Variants in CACNA1D observed in about 807,000 individuals in gnomAD.
CACNA1D encodes the protein calcium voltage-gated channel subunit alpha1 D, also known as voltage-dependent L-type calcium channel subunit alpha-1D.
In CACNA1D, 55 loss-of-function variants were observed where a neutral mutation model predicts 257.1. The observed-to-expected ratio is 0.21, with a 90% CI of 0.17 to 0.27. The LOEUF is 0.27. CACNA1D is among the 10% of genes least tolerant of loss of function. CACNA1D has a pLI of 1.00. For missense variants in CACNA1D, 1,876 were observed against 2,784.0 expected (o/e 0.67, Z 7.34); for synonymous variants, 980 against 1,014.9 (o/e 0.97, Z 0.65).
chr3:53,763,028 G>A (rs982712107), intron 30 of CACNA1D, among the ~76,000 whole-genome samples: 2 of 152,174 alleles, frequency 1.3e-5, no homozygotes, highest in East Asian at 1.9e-4. Context: ...CCTCGTCCCC[G>A]CAATGGTTCT....
chr3:53,511,400 A>G (rs2091103818), intron 3 of CACNA1D, among the ~76,000 whole-genome samples: 1 of 152,144 alleles, frequency 6.6e-6, no homozygotes, highest in South Asian at 2.1e-4. Context: ...TATCCTTTCG[A>G]CAAAGGGAAG....
chr3:53,756,588 C>A (rs2095266751), intron 29 of CACNA1D, among the ~76,000 whole-genome samples: 1 of 152,186 alleles, frequency 6.6e-6, no homozygotes, highest in Non-Finnish European at 1.5e-5. Context: ...CAGCCTAGGT[C>A]CTGCTTTCAA....
intron 9 of CACNA1D, among the ~76,000 whole-genome samples, chr3:53,714,220 T>C (rs758070893): frequency 4.6e-5 from 7 of 152,358 alleles, no homozygotes; most frequent in Middle Eastern, 3.4e-3. Context: ...CTGGTGCTTA[T>C]TTCTACAGTA....
chr3:53,722,146 A>C (rs2094889397), intron 11 of CACNA1D, among the ~76,000 whole-genome samples, 168 bp from the exon 12 acceptor site: 2 of 152,236 alleles, frequency 1.3e-5, no homozygotes, highest in Admixed American at 1.3e-4. Context: ...CATAATTTTT[A>C]TGATGAAGTC....
intron 41 of CACNA1D, 44 bp from the exon 42 acceptor site, chr3:53,801,014 A>G (rs1233623509): frequency 1.9e-6 from 3 of 1,608,244 alleles, no homozygotes; most frequent in Non-Finnish European, 2.6e-6. Context: ...GTCTGCATCA[A>G]ATACTTGTTA....
chr3:53,536,953 C>A (rs116268244), intron 3 of CACNA1D, among the ~76,000 whole-genome samples: 1 of 152,114 alleles, frequency 6.6e-6, no homozygotes, highest in African/African-American at 2.4e-5. Context: ...TTTTAACTTT[C>A]GGTTATTTTT....
intron 3 of CACNA1D, among the ~76,000 whole-genome samples, chr3:53,556,274 G>A (rs2092644115): frequency 1.3e-5 from 2 of 152,164 alleles, no homozygotes; most frequent in Admixed American, 1.3e-4. Context: ...ATGTTCACTA[G>A]CGTAAATACC....
Position 53,810,249 on chromosome 3 carries a change from G to C in CACNA1D, c.6143G>C (p.Arg2048Pro). Reference protein sequence around the residue: ...PASLTVPSSFRNKNSDKQRSA... With the variant: ...PASLTVPSSFPNKNSDKQRSA... ...AGCCTGACTGTCCCCAGCAGCTTCCGGAACAAAAACAGCGACAAGCAGAGG... is the reference window on the plus strand; with the variant it reads ...AGCCTGACTGTCCCCAGCAGCTTCCCGAACAAAAACAGCGACAAGCAGAGG... Residue 2048 changes from arginine (R) to proline (P), a missense_variant, in exon 47 of 48, where the codon CGG (arginine) becomes CCG (proline). Arg to Pro is a moderately radical substitution (Grantham distance 103). Around this residue, in one of 10 missense-constraint regions of CACNA1D, gnomAD observed 491 missense variants for 554.3 expected, o/e 0.89. Coordinates refer to ENST00000350061, the MANE Select transcript of CACNA1D (RefSeq NM_001128840.3). The C allele has an allele frequency of 6.2e-7, 1 of 1,613,838 alleles. No homozygotes were observed. The highest frequency in any genetic ancestry group is 8.5e-7 in the Non-Finnish European group (1 of 1,180,040).
rs1235518164 is a variant in CACNA1D, at chr3:53,800,783, A to C, written c.5041-275A>C. The C allele has an allele frequency of 7.2e-6, 4 of 551,922 alleles. No individual in the cohort carries two copies. Among genetic ancestry groups the C allele is most frequent in the Non-Finnish European group, 1.3e-5 (4 of 307,296 alleles). The allele number at this position is 551,922 out of a possible 1,614,324, so 34.2% of individuals were successfully genotyped here. On this transcript the variant is annotated intron_variant, in intron 41 of 47. Transcript: ENST00000350061. The surrounding 1 kb of genome is among the most constrained non-coding windows in gnomAD (Gnocchi z 4.3). ...CCACCAGCCAGCCCAGCTGGGTATA[A>C]GTCACCCCAACTTGGAGCAACTGGA...
At chr3:53,619,661 C>A (rs1368616477) in intron 3 of CACNA1D, among the ~76,000 whole-genome samples, 1 of 152,154 alleles carries the variant, frequency 6.6e-6, no homozygotes, top group East Asian at 1.9e-4. Context: ...GCATTGGGAC[C>A]CTGGGTAGGA....
At position 53,781,778 on chromosome 3, in the gene CACNA1D, G is replaced by A. The variant is rs116200482; in HGVS notation, c.4792+111G>A. The A allele has an allele frequency of 2.6e-3, 2,082 of 789,804 alleles. 31 individuals are homozygous for A. The African/African-American group carries it at 0.029, about 11-fold the overall frequency. The allele number at this position is 789,804 out of a possible 1,614,324, so 48.9% of individuals were successfully genotyped here. ...CAAAATGCTTTATGTATCATTTAGA[G>A]CATTAAGGCCAACTGATAAAGAAAG... On this transcript the variant is annotated intron_variant, in intron 39 of 47. Coordinates refer to ENST00000350061, the MANE Select transcript of CACNA1D (RefSeq NM_001128840.3).
Position 53,783,533 on chromosome 3 carries a change from A to G in CACNA1D, c.4792+1866A>G, listed in dbSNP as rs1275488566. On this transcript the variant is annotated intron_variant, in intron 39 of 47. Transcript: ENST00000350061. Reference sequence around the variant, plus strand: ...GAGAGGCAGTGTGAGGCACAAGAAGAGAGAAGTGGGGCCTTAGGAGGGATG... The same window carrying G: ...GAGAGGCAGTGTGAGGCACAAGAAGGGAGAAGTGGGGCCTTAGGAGGGATG... 2.0e-5 allele frequency among the ~76,000 whole-genome samples: 3 copies of G among 152,212 alleles called. No homozygotes were observed. In the South Asian group the frequency reaches 6.2e-4, roughly 32 times the overall value.
At chr3:53,691,386 C>T (rs958192766) in intron 8 of CACNA1D, among the ~76,000 whole-genome samples, 7 of 151,786 alleles carry the variant, frequency 4.6e-5, no homozygotes, top group African/African-American at 1.7e-4. Context: ...GTGATCTGCC[C>T]GTCTCGGCCT....
At chr3:53,791,224 G>T in intron 40 of CACNA1D, 1 of 570,302 alleles carries the variant, frequency 1.8e-6, no homozygotes, top group South Asian at 2.2e-5. Context: ...AGCCAGGGCT[G>T]CCTGTCGCGG....
chr3:53,777,310 C>T (rs527564103), intron 37 of CACNA1D, among the ~76,000 whole-genome samples: 1 of 152,260 alleles, frequency 6.6e-6, no homozygotes, highest in East Asian at 1.9e-4. Context: ...TTGGGTCATC[C>T]TTTGGCTAGG....
chr3:53,692,691 T>A (rs2094538980), intron 8 of CACNA1D, among the ~76,000 whole-genome samples: 1 of 152,202 alleles, frequency 6.6e-6, no homozygotes, highest in African/African-American at 2.4e-5. Flanking sequence ...ACACCGACTC[T>A]GAAAATGATT....
intron 20 of CACNA1D, among the ~76,000 whole-genome samples, chr3:53,739,826 G>A (rs112691377): frequency 0.018 from 2,709 of 152,296 alleles, 89 homozygotes; most frequent in African/African-American, 0.062. Context: ...GACAGATGCC[G>A]CTGCCATCTT....
intron 8 of CACNA1D, among the ~76,000 whole-genome samples, chr3:53,690,584 C>T (rs1416514292): frequency 1.3e-5 from 2 of 152,180 alleles, no homozygotes; most frequent in Non-Finnish European, 2.9e-5. Context: ...TTTCAGTGGG[C>T]ACTCCCCCTG....
At chr3:53,713,106 T>C (rs2633726) in intron 9 of CACNA1D, among the ~76,000 whole-genome samples, 104,129 of 152,138 alleles carry the variant, frequency 0.68, 36,135 homozygotes, top group East Asian at 0.99. Context: ...CTGAGGGTGG[T>C]GGGCAGGGGC....
Sources: allele counts gnomAD v4.1 joint callset (sites outside exome capture counted in the v4.1 genomes callset), GRCh38; gene constraint gnomAD v4.1.1; regional missense constraint gnomAD v4.1.1; non-coding constraint Gnocchi (gnomAD v3.1); transcripts MANE v1.5; gene names NCBI Gene and HGNC (gene_info 2026-07-23, HGNC 2026-07-21).